Variants in NEK9 observed in about 807,000 individuals in gnomAD.
NEK9 encodes serine/threonine-protein kinase Nek9.
A neutral mutation model predicts 123.4 loss-of-function variants in NEK9; 75 were observed. The observed-to-expected ratio is 0.61, with a 90% CI of 0.50 to 0.74. The LOEUF (loss-of-function observed/expected upper bound fraction) is 0.74, where lower values mean the gene tolerates loss of function less well. Ranked by LOEUF, NEK9 falls within the 30% of genes least tolerant of loss-of-function variation. NEK9 has a pLI of 0.00. For synonymous variants in NEK9, 438 were observed against 458.7 expected (o/e 0.95, Z 0.58); for missense variants, 952 against 1,214.4 (o/e 0.78, Z 3.21).
chr14:75,084,916 G>A (rs367583114), intron 21 of NEK9: 61 of 431,988 alleles, frequency 1.4e-4, no homozygotes, highest in African/African-American at 1.1e-3. Context: ...GGACTGCGGG[G>A]TTTCCTGGGA....
intron 21 of NEK9, chr14:75,084,938 T>G (rs1417615118): frequency 5.3e-6 from 2 of 378,096 alleles, no homozygotes; most frequent in East Asian, 4.9e-5. Flanking sequence ...GCAGAACTCT[T>G]AGTTTTAAAA....
intron 1 of NEK9, 72 bp from the exon 2 acceptor site, chr14:75,124,295 A>G: frequency 7.0e-7 from 1 of 1,431,130 alleles, no homozygotes. Flanking sequence ...CTAGATCTGT[A>G]AGCCTAGAAG....
chr14:75,109,923 A>G (rs1367293281), intron 9 of NEK9, 46 bp from the exon 10 acceptor site: 4 of 1,536,796 alleles, frequency 2.6e-6, no homozygotes, highest in South Asian at 1.2e-5. Context: ...ATTAAAAACA[A>G]TATCAAAGAA....
intron 8 of NEK9, among the ~76,000 whole-genome samples, chr14:75,111,171 G>C (rs985073761): frequency 2.0e-5 from 3 of 152,028 alleles, no homozygotes; most frequent in African/African-American, 7.2e-5. Context: ...ACTACCTCTT[G>C]AATTAACCAC....
chr14:75,088,146 T>TA (rs1894085967), intron 20 of NEK9, among the ~76,000 whole-genome samples: 1 of 152,220 alleles, frequency 6.6e-6, no homozygotes, highest in Admixed American at 6.5e-5. Context: ...CTCACTAGAC[T>TA]ACCAGTATTA....
intron 16 of NEK9, among the ~76,000 whole-genome samples, chr14:75,100,313 GCGCA>G (rs1894532486): frequency 6.6e-6 from 1 of 151,960 alleles, no homozygotes; most frequent in Non-Finnish European, 1.5e-5. Flanking sequence ...GAGTATGGTG[GCGCA>G]TGCCTGTAAT....
intron 21 of NEK9, 114 bp downstream of exon 21, chr14:75,086,904 C>CAA: frequency 1.8e-6 from 2 of 1,117,788 alleles, no homozygotes; most frequent in Non-Finnish European, 2.6e-6. Context: ...GACTCCGTCT[C>CAA]AAAAAAAAAG....
At chr14:75,096,970 G>T in intron 17 of NEK9, 130 bp downstream of exon 17, 2 of 722,916 alleles carry the variant, frequency 2.8e-6, no homozygotes, top group Non-Finnish European at 2.1e-6. Flanking sequence ...TGGCATCCTT[G>T]ACCATTACAA....
At chr14:75,125,852 A>G (rs897672868) in intron 1 of NEK9, among the ~76,000 whole-genome samples, 4 of 152,198 alleles carry the variant, frequency 2.6e-5, no homozygotes, top group African/African-American at 9.6e-5. Flanking sequence ...AGTTCTCATT[A>G]AATGTTTACC....
chr14:75,087,200 C>T lies in NEK9; in HGVS notation c.2635G>A (p.Ala879Thr). 1.2e-6 allele frequency: 2 copies of T among 1,613,868 alleles called. No homozygotes were observed. Among genetic ancestry groups the T allele is most frequent in the Non-Finnish European group, 1.7e-6 (2 of 1,179,772 alleles). Residue 879 changes from alanine to threonine, a missense_variant, in exon 21 of 22, where the codon GCT becomes ACT. Around this residue, in one of 4 missense-constraint regions of NEK9, gnomAD observed 698 missense variants for 875.6 expected, o/e 0.80. Transcript: ENST00000238616. ...GGAGTCAGTGGTGTTCCCTTCCCAG[C>T]ACAGGTTACTGCAGGATTCAGCCGA... Reference protein sequence around the residue: ...SPRLNPAVTCAGKGTPLTPPA... With the variant: ...SPRLNPAVTCTGKGTPLTPPA...
At chr14:75,099,901 T>G (rs1254635118) in intron 16 of NEK9, among the ~76,000 whole-genome samples, 1 of 148,016 alleles carries the variant, frequency 6.8e-6, no homozygotes, top group Non-Finnish European at 1.5e-5. Flanking sequence ...CAGGCCGAGG[T>G]GGGCAGATCA....
At chr14:75,108,497 ATATG>A (rs1254493598) in intron 10 of NEK9, among the ~76,000 whole-genome samples, 1 of 143,388 alleles carries the variant, frequency 7.0e-6, no homozygotes, top group African/African-American at 2.6e-5. Flanking sequence ...TTTTATATAT[ATATG>A]TGTGTGCGTG....
chr14:75,103,231 T>C (rs1594835687), intron 14 of NEK9, among the ~76,000 whole-genome samples: 1 of 149,626 alleles, frequency 6.7e-6, no homozygotes, highest in East Asian at 1.9e-4. Context: ...ATATCAGTGG[T>C]GAATTTGCTA....
rs1366801726 is a variant in NEK9 at position 75,113,377 on chromosome 14, A to C, written c.900T>G (p.Asp300Glu). The C allele has an allele frequency of 6.2e-7, 1 of 1,613,872 alleles. No individual in the cohort carries two copies. Among genetic ancestry groups the C allele is most frequent in the East Asian group, 2.2e-5 (1 of 44,876 alleles). ...DQDPEQRPTA[D>E]ELLDRPLLRK... is the part of the protein sequence containing the mutation. ...TGAGAAGAGGGCGATCTAGAAGTTC[A>C]TCTGCAGTAGGTCTCTGCTCAGGAT... The change falls in exon 8 of 22, where the codon GAT (aspartate) becomes GAG (glutamate). Residue 300 changes from aspartate to glutamate, a missense_variant. Physicochemically the swap from Asp to Glu is conservative, Grantham distance 45. Around this residue, in one of 4 missense-constraint regions of NEK9, gnomAD observed 698 missense variants for 875.6 expected, o/e 0.80. Coordinates refer to ENST00000238616, the MANE Select transcript of NEK9 (RefSeq NM_033116.6).
At chr14:75,090,754 G>T (rs1894190440) in intron 19 of NEK9, among the ~76,000 whole-genome samples, 1 of 151,874 alleles carries the variant, frequency 6.6e-6, no homozygotes, top group Admixed American at 6.6e-5. Flanking sequence ...TAAATTTTTG[G>T]TACAGACAAG....
At position 75,112,872 on chromosome 14, in the gene NEK9, C is replaced by A. The variant is rs191522835; in HGVS notation, c.938+467G>T. ...CAAAGGACCAGTCCAACTCACACTA[C>A]AATTGATAGGCACCCTATGCCAGGC... is the stretch of plus-strand genomic sequence containing the variant. On this transcript the variant is annotated intron_variant, in intron 8 of 21. Transcript: ENST00000238616. Among the ~76,000 whole-genome samples, 507 of 152,246 alleles carry A rather than the reference C, an allele frequency of 3.3e-3. 14 individuals carry two copies. The highest frequency in any genetic ancestry group is 0.026 in the Admixed American group (395 of 15,294).
chr14:75,123,603 T>C (rs1895414936), intron 2 of NEK9, among the ~76,000 whole-genome samples: 1 of 152,162 alleles, frequency 6.6e-6, no homozygotes, highest in African/African-American at 2.4e-5. Context: ...GGCCATGCTT[T>C]ACTATATATT....
At chr14:75,115,098 T>C (rs563331420) in intron 6 of NEK9, among the ~76,000 whole-genome samples, 1 of 65,098 alleles carries the variant, frequency 1.5e-5, no homozygotes, top group African/African-American at 4.9e-5. Context: ...TGTACATATA[T>C]GCACACGTGT....
Position 75,097,181 on chromosome 14 carries a change from A to T in NEK9, c.2092T>A (p.Ser698Thr), listed in dbSNP as rs1894415543. 1 of 1,613,926 alleles carries T rather than the reference A, an allele frequency of 6.2e-7. No homozygotes were observed. The highest frequency in any genetic ancestry group is 1.6e-4 in the Middle Eastern group (1 of 6,062). ...ERPHGSDICT[S>T]WPRPIFGSLH... ...GATCCAAAAATAGGCCGAGGCCATG[A>T]GGTACAGATATCAGAGCCATGTGGT... The change falls in exon 17 of 22, where the codon TCA becomes ACA. Residue 698 changes from serine (S) to threonine (T), a missense_variant. Physicochemically the swap from Ser to Thr is moderately conservative, Grantham distance 58. This residue lies in a region of NEK9 where 698 missense variants were observed against 875.6 expected (regional missense o/e 0.80). Coordinates refer to ENST00000238616, the MANE Select transcript of NEK9 (RefSeq NM_033116.6).
Sources: allele counts gnomAD v4.1 joint callset (sites outside exome capture counted in the v4.1 genomes callset), GRCh38; gene constraint gnomAD v4.1.1; regional missense constraint gnomAD v4.1.1; transcripts MANE v1.5; gene names NCBI Gene and HGNC (gene_info 2026-07-23, HGNC 2026-07-21).